The following ENKUR variants were observed in gnomAD, a reference collection of about 807,000 sequenced individuals.
ENKUR encodes the protein enkurin, TRPC channel interacting protein.
A neutral mutation model predicts 27.6 loss-of-function variants in ENKUR; 19 were observed. The observed-to-expected ratio is 0.69, with a 90% CI of 0.48 to 1.01. ENKUR has a LOEUF of 1.01. ENKUR is among the 50% of genes least tolerant of loss of function. The pLI, the probability that ENKUR is intolerant of heterozygous loss-of-function variation, is 0.00. For synonymous variants in ENKUR, 117 were observed against 96.9 expected (o/e 1.21, Z -1.22); for missense variants, 312 against 310.5 (o/e 1.00, Z -0.04).
At chr10:25,005,595 A>G (rs1850294322) in intron 1 of ENKUR, among the ~76,000 whole-genome samples, 2 of 152,234 alleles carry the variant, frequency 1.3e-5, no homozygotes, top group African/African-American at 4.8e-5. Context: ...CTGTGTTAGA[A>G]AGCTATCCAA....
Position 24,995,658 on chromosome 10 carries a change from G to A in ENKUR, c.435C>T (p.Tyr145=), listed in dbSNP as rs1375291813. The A allele has an allele frequency of 3.1e-6, 5 of 1,609,524 alleles. No individual in the cohort carries two copies. Among genetic ancestry groups the A allele is most frequent in the African/African-American group, 2.7e-5 (2 of 74,556 alleles). Residue 145 remains tyrosine, a synonymous_variant, in exon 3 of 6, where the codon TAC becomes TAT. Coordinates refer to ENST00000331161, the MANE Select transcript of ENKUR (RefSeq NM_145010.4). ...ACCACAAGGCTACCTTTTTATTGAT[G>A]TACTTTGGAACTAGTCCTGAAGGCT... ...DLEPSGLVPK[Y]INKKDYGVTP... is the part of the protein sequence containing the mutation.
chr10:25,022,070 C>G (rs1370650884), intron 2 of ENKUR, among the ~76,000 whole-genome samples: 2 of 151,964 alleles, frequency 1.3e-5, no homozygotes, highest in Admixed American at 1.3e-4. Context: ...TTGCTTCTAC[C>G]AGAGAACACG....
chr10:25,012,949 A>C (rs574187411), intron 1 of ENKUR, among the ~76,000 whole-genome samples: 1 of 152,294 alleles, frequency 6.6e-6, no homozygotes, highest in South Asian at 2.1e-4. Flanking sequence ...CATAATTCCC[A>C]TATGTCATGG....
At chr10:25,022,614 A>G (rs892398225) in intron 2 of ENKUR, among the ~76,000 whole-genome samples, 8 of 152,218 alleles carry the variant, frequency 5.3e-5, no homozygotes, top group Admixed American at 2.0e-4. Context: ...ATAAGCAAAT[A>G]TGTTCTTTTA....
Position 25,049,233 on chromosome 10 carries a change from C to T in ENKUR, c.37+11879G>A, listed in dbSNP as rs192785073. Among the ~76,000 whole-genome samples the T allele has an allele frequency of 1.0e-3, 154 of 152,208 alleles. 1 individual carries two copies. Among genetic ancestry groups the T allele is most frequent in the African/African-American group, 3.5e-3 (144 of 41,538 alleles). On this transcript the variant is annotated intron_variant, in intron 2 of 5. Coordinates refer to the ENKUR transcript ENST00000615958. Reference sequence around the variant, plus strand: ...GCTCAATATATTTTAGGTGCTACTTCGTTCTCTAGGGGTACATTCTCTCAG... The same window carrying T: ...GCTCAATATATTTTAGGTGCTACTTTGTTCTCTAGGGGTACATTCTCTCAG...
intron 2 of ENKUR, among the ~76,000 whole-genome samples, chr10:25,021,456 T>C (rs778030204): frequency 2.6e-5 from 4 of 152,338 alleles, no homozygotes; most frequent in Non-Finnish European, 5.9e-5. Context: ...AAATTCCAGA[T>C]ATCCTTCTGA....
At chr10:24,998,460 G>A (rs572434996) in intron 2 of ENKUR, among the ~76,000 whole-genome samples, 2 of 150,888 alleles carry the variant, frequency 1.3e-5, no homozygotes, top group South Asian at 2.1e-4. Flanking sequence ...CTGCAGTTTC[G>A]AACTCTTGGG....
chr10:25,058,959 G>A (rs1361620507), intron 2 of ENKUR, among the ~76,000 whole-genome samples: 1 of 149,696 alleles, frequency 6.7e-6, no homozygotes, highest in Non-Finnish European at 1.5e-5. Context: ...AGGAGGGGGA[G>A]ACCCAGGGCC....
chr10:25,014,432 A>G (rs1850518630), intron 1 of ENKUR, among the ~76,000 whole-genome samples: 1 of 152,228 alleles, frequency 6.6e-6, no homozygotes, highest in Admixed American at 6.5e-5. Context: ...AGCACCAAGA[A>G]CAGATATACT....
At chr10:25,025,116 CTA>C in intron 2 of ENKUR, 1 of 1,614,068 alleles carries the variant, frequency 6.2e-7, no homozygotes, top group Non-Finnish European at 8.5e-7. Flanking sequence ...TTAACTCCAC[CTA>C]TAATACTTCA....
chr10:25,022,396 T>C (rs1850739732), intron 2 of ENKUR, among the ~76,000 whole-genome samples: 1 of 152,246 alleles, frequency 6.6e-6, no homozygotes, highest in Non-Finnish European at 1.5e-5. Context: ...GTGATGGTTC[T>C]GTGCAGATAA....
intron 2 of ENKUR, among the ~76,000 whole-genome samples, chr10:25,050,189 C>A (rs1412257319): frequency 6.6e-6 from 1 of 152,154 alleles, no homozygotes; most frequent in Non-Finnish European, 1.5e-5. Flanking sequence ...CCCTTATGAT[C>A]CAGTCACCTC....
At chr10:25,028,864 T>A (rs183264170) in intron 2 of ENKUR, among the ~76,000 whole-genome samples, 1 of 152,230 alleles carries the variant, frequency 6.6e-6, no homozygotes, top group Admixed American at 6.5e-5. Context: ...TTTTCTGTTA[T>A]TCATTCCCTT....
At chr10:25,057,535 A>G (rs1419983107) in intron 2 of ENKUR, among the ~76,000 whole-genome samples, 2 of 152,138 alleles carry the variant, frequency 1.3e-5, no homozygotes, top group Admixed American at 1.3e-4. Flanking sequence ...CATTTTATTC[A>G]ATGAATTAAT....
intron 2 of ENKUR, among the ~76,000 whole-genome samples, chr10:25,044,866 G>A (rs1851105454): frequency 6.6e-6 from 1 of 152,138 alleles, no homozygotes; most frequent in East Asian, 1.9e-4. Context: ...GGTAATTTAT[G>A]CCCAGACTTT....
intron 5 of ENKUR, 60 bp downstream of exon 5, chr10:24,984,676 T>C (rs1369006143): frequency 6.1e-6 from 9 of 1,475,022 alleles, no homozygotes; most frequent in Non-Finnish European, 7.3e-6. Context: ...GAGTTTTTTA[T>C]ATTTTCCATG....
At chr10:25,041,944 C>G (rs1851069198) in intron 2 of ENKUR, among the ~76,000 whole-genome samples, 1 of 151,950 alleles carries the variant, frequency 6.6e-6, no homozygotes, top group Admixed American at 6.6e-5. Context: ...CGAATTGAAC[C>G]CTGGACCAGA....
intron 2 of ENKUR, among the ~76,000 whole-genome samples, chr10:25,055,567 A>G (rs988872792): frequency 7.2e-6 from 1 of 138,672 alleles, no homozygotes; most frequent in African/African-American, 2.8e-5. Context: ...AAAAAAAAAA[A>G]GGGACTGCCC....
At chr10:25,026,121 C>G (rs1363894807) in intron 2 of ENKUR, 2 of 158,628 alleles carry the variant, frequency 1.3e-5, no homozygotes, top group Non-Finnish European at 2.9e-5. Context: ...TCAGGTGATC[C>G]ATCCACCTCG....
Sources: gnomAD v4.1 joint callset for allele counts (sites outside exome capture counted in the v4.1 genomes callset) on GRCh38, gnomAD v4.1.1 for gene constraint, MANE v1.5 for transcripts, NCBI Gene and HGNC (gene_info 2026-07-23, HGNC 2026-07-21) for gene names.